Variants in SLC44A5 observed in about 807,000 individuals in gnomAD.
The protein encoded by SLC44A5 is choline transporter-like protein 5.
SLC44A5 carries 57 observed loss-of-function variants against 101.8 expected under a neutral mutation model. The ratio of observed to expected loss-of-function variants is 0.56; its 90% CI spans 0.45 to 0.70. The LOEUF (loss-of-function observed/expected upper bound fraction) is 0.70. SLC44A5 is among the 30% of genes least tolerant of loss of function. The probability of loss-of-function intolerance (pLI) is 0.00; values close to 1 mark genes in which losing one functional copy is unlikely to be tolerated. For missense variants in SLC44A5, 737 were observed against 853.1 expected (o/e 0.86, Z 1.70); for synonymous variants, 281 against 290.9 (o/e 0.97, Z 0.35).
intron 1 of SLC44A5, among the ~76,000 whole-genome samples, chr1:75,590,738 G>A (rs946289499): frequency 6.6e-6 from 1 of 152,172 alleles, no homozygotes; most frequent in Non-Finnish European, 1.5e-5. Flanking sequence ...GGGAAAGAAA[G>A]AGTGGGAAGG....
At chr1:75,414,682 G>A (rs1663522818) in intron 2 of SLC44A5, among the ~76,000 whole-genome samples, 1 of 152,166 alleles carries the variant, frequency 6.6e-6, no homozygotes, top group Non-Finnish European at 1.5e-5. Flanking sequence ...AAGACAGGCA[G>A]GAGTTAAATA....
chr1:75,383,487 G>A (rs927015422), intron 3 of SLC44A5, among the ~76,000 whole-genome samples: 4 of 152,098 alleles, frequency 2.6e-5, no homozygotes, highest in African/African-American at 7.2e-5. Flanking sequence ...GAAATGAAGC[G>A]AGAAGGGAAG....
upstream of SLC44A5, chr1:75,611,245 G>T (rs564027774): frequency 9.9e-6 from 2 of 201,480 alleles, no homozygotes; most frequent in East Asian, 3.7e-4. Flanking sequence ...GTATAAAGAG[G>T]GGGAGGAGAC....
At chr1:75,715,179 T>C in the SLC44A5 span, among the ~76,000 whole-genome samples, 1 of 152,152 alleles carries the variant, frequency 6.6e-6, no homozygotes, top group South Asian at 2.1e-4. Flanking sequence ...TCCATGCTCA[T>C]GGATAGGAAG....
chr1:75,616,954 G>A, the SLC44A5 span, among the ~76,000 whole-genome samples: 1 of 152,172 alleles, frequency 6.6e-6, no homozygotes, highest in African/African-American at 2.4e-5. Context: ...CTCTGATTGG[G>A]GGTTTGCTTT....
intron 2 of SLC44A5, among the ~76,000 whole-genome samples, chr1:75,450,993 C>T (rs2101659789): frequency 6.6e-6 from 1 of 152,312 alleles, no homozygotes; most frequent in South Asian, 2.1e-4. Flanking sequence ...GGAGCATCCA[C>T]TGTCTTGGAT....
At chr1:75,689,304 T>C in the SLC44A5 span, among the ~76,000 whole-genome samples, 1 of 140,996 alleles carries the variant, frequency 7.1e-6, no homozygotes, top group African/African-American at 2.4e-5. Context: ...AAAGGGGGTA[T>C]CAGGTTTCTC....
At chr1:75,566,567 G>C (rs1485476695) in intron 1 of SLC44A5, among the ~76,000 whole-genome samples, 2 of 152,116 alleles carry the variant, frequency 1.3e-5, no homozygotes, top group Admixed American at 6.5e-5. Flanking sequence ...TGAAAATGCA[G>C]CTAGATTCTT....
chr1:75,378,609 C>T (rs79268663), intron 3 of SLC44A5, among the ~76,000 whole-genome samples: 9,283 of 46,658 alleles, frequency 0.2, 164 homozygotes, highest in East Asian at 0.29. Flanking sequence ...GTAGCAGAGC[C>T]GGTAATGGCT....
chr1:75,285,900 T>C (rs1026177354), intron 5 of SLC44A5, among the ~76,000 whole-genome samples: 6 of 152,142 alleles, frequency 3.9e-5, no homozygotes, highest in Non-Finnish European at 5.9e-5. Flanking sequence ...GTATGGTCTA[T>C]CTTGGAGAAT....
Position 75,487,933 on chromosome 1 carries a change from A to T in SLC44A5, c.13+53502T>A, listed in dbSNP as rs1160876827. On this transcript the variant is annotated intron_variant, in intron 2 of 23. Transcript: ENST00000370859. Reference sequence around the variant, plus strand: ...GCTGTTCCCCATTTCTCACATTACCACCTGAGCTCTGCCTCCTGTCAGATT... The same window carrying T: ...GCTGTTCCCCATTTCTCACATTACCTCCTGAGCTCTGCCTCCTGTCAGATT... Among the ~76,000 whole-genome samples the T allele has an allele frequency of 2.6e-5, 4 of 151,980 alleles. No individual in the cohort carries two copies. In the East Asian group the frequency reaches 7.8e-4, roughly 29 times the overall value.
chr1:75,687,703 C>T, the SLC44A5 span, among the ~76,000 whole-genome samples: 2 of 152,102 alleles, frequency 1.3e-5, no homozygotes, highest in Non-Finnish European at 2.9e-5. Flanking sequence ...CCCCAGGACA[C>T]TCTCACTTCC....
intron 2 of SLC44A5, among the ~76,000 whole-genome samples, chr1:75,526,564 G>T (rs1353374266): frequency 1.3e-5 from 2 of 152,150 alleles, no homozygotes; most frequent in Non-Finnish European, 2.9e-5. Context: ...CATGTCTGTT[G>T]TGCTAAAGCC....
chr1:75,493,088 A>T (rs982108189), intron 2 of SLC44A5, among the ~76,000 whole-genome samples: 2 of 152,208 alleles, frequency 1.3e-5, no homozygotes, highest in Admixed American at 6.5e-5. Flanking sequence ...AAATGCAGAG[A>T]AGTGAAAAAA....
At chr1:75,328,862 A>T (rs1656809267) in intron 4 of SLC44A5, among the ~76,000 whole-genome samples, 1 of 152,078 alleles carries the variant, frequency 6.6e-6, no homozygotes, top group Admixed American at 6.6e-5. Context: ...CGCATGAAAA[A>T]GCTCCACCCT....
At chr1:75,266,039 A>G (rs1470910974) in intron 6 of SLC44A5, among the ~76,000 whole-genome samples, 1 of 152,158 alleles carries the variant, frequency 6.6e-6, no homozygotes, top group African/African-American at 2.4e-5. Context: ...TCGCTGTTTC[A>G]TCTCTTTGGA....
chr1:75,681,764 T>C, the SLC44A5 span, among the ~76,000 whole-genome samples: 16 of 150,186 alleles, frequency 1.1e-4, no homozygotes, highest in African/African-American at 3.2e-4. Flanking sequence ...CCAGGGCAAT[T>C]AGGCAGGAGA....
chr1:75,421,481 T>G (rs533666913), intron 2 of SLC44A5, among the ~76,000 whole-genome samples: 1 of 152,256 alleles, frequency 6.6e-6, no homozygotes, highest in East Asian at 1.9e-4. Flanking sequence ...CTTATTTTAT[T>G]TTTTCTTTCA....
chr1:75,282,957 C>T (rs144611875), intron 5 of SLC44A5, among the ~76,000 whole-genome samples: 188 of 152,192 alleles, frequency 1.2e-3, no homozygotes, highest in Middle Eastern at 3.4e-3. Context: ...AATCGGGTGA[C>T]GGTAAACATG....
Sources: allele counts gnomAD v4.1 joint callset (sites outside exome capture counted in the v4.1 genomes callset), GRCh38; gene constraint gnomAD v4.1.1; transcripts MANE v1.5; gene names NCBI Gene and HGNC (gene_info 2026-07-23, HGNC 2026-07-21).